The following FYCO1 variants were observed in gnomAD, a reference collection of about 807,000 sequenced individuals.
The protein encoded by FYCO1 is FYVE and coiled-coil domain-containing protein 1.
FYCO1 carries 122 observed loss-of-function variants against 165.1 expected under a neutral mutation model. The observed-to-expected ratio is 0.74, with a 90% confidence interval of 0.64 to 0.86. FYCO1 has a LOEUF of 0.86. Ranked by LOEUF, FYCO1 falls within the 40% of genes least tolerant of loss-of-function variation. The pLI is 0.00. For synonymous variants in FYCO1, 648 were observed against 742.5 expected, an observed-to-expected ratio of 0.87 and a Z score of 2.07; for missense variants, 1,702 against 1,810.3, an observed-to-expected ratio of 0.94 and a Z score of 1.09.
intron 14 of FYCO1, among the ~76,000 whole-genome samples, chr3:45,942,233 A>T (rs1026059866): frequency 9.9e-5 from 15 of 152,254 alleles, no homozygotes; most frequent in African/African-American, 3.6e-4. Flanking sequence ...GTCCTGGGTG[A>T]CTGCCAGGGA....
In FYCO1 at chr3:45,964,952, T is replaced by G; in HGVS notation, c.3150+81A>C. The G allele has an allele frequency of 1.8e-6, 2 of 1,118,048 alleles. No homozygotes were observed. Among genetic ancestry groups the G allele is most frequent in the South Asian group, 2.6e-5 (2 of 77,686 alleles). The allele number at this position is 1,118,048 out of a possible 1,614,324, so 69.3% of individuals were successfully genotyped here. ...GCTTCAGCTTGGGAATCTGGAGGCATGCAGGGAGCCCTCTTAAATGGTCCA... is the reference window on the plus strand; with the variant it reads ...GCTTCAGCTTGGGAATCTGGAGGCAGGCAGGGAGCCCTCTTAAATGGTCCA... On this transcript the variant is annotated intron_variant, in intron 9 of 17. Transcript: ENST00000296137. This position sits in a 1 kb window ranked among gnomAD's most constrained non-coding sequence, Gnocchi z 4.1.
chr3:45,975,375 G>C, intron 4 of FYCO1, 30 bp from the exon 5 acceptor site: 1 of 1,543,316 alleles, frequency 6.5e-7, no homozygotes, highest in East Asian at 2.2e-5. Context: ...TAGAGCCAAA[G>C]AGCTGTCAGC....
intron 5 of FYCO1, among the ~76,000 whole-genome samples, chr3:45,973,554 T>C (rs1706567029): frequency 6.6e-6 from 1 of 152,212 alleles, no homozygotes; most frequent in South Asian, 2.1e-4. Context: ...AAACTTCTTT[T>C]TTGAAAGATT....
At chr3:45,990,134 T>G (rs1575392310) in intron 1 of FYCO1, among the ~76,000 whole-genome samples, 1 of 152,332 alleles carries the variant, frequency 6.6e-6, no homozygotes, top group East Asian at 1.9e-4. Flanking sequence ...TCCAGCTAGT[T>G]ATGAACTAAG....
intron 15 of FYCO1, among the ~76,000 whole-genome samples, chr3:45,934,136 A>G (rs1488859568): frequency 6.6e-6 from 1 of 152,228 alleles, no homozygotes; most frequent in African/African-American, 2.4e-5. Flanking sequence ...ACAGAGCCTG[A>G]GGAATCTACA....
intron 12 of FYCO1, among the ~76,000 whole-genome samples, chr3:45,958,927 C>G (rs1484090315): frequency 6.6e-6 from 1 of 152,168 alleles, no homozygotes; most frequent in Non-Finnish European, 1.5e-5. Context: ...TCTAAGAGAC[C>G]ACAGACCTTC....
intron 14 of FYCO1, among the ~76,000 whole-genome samples, chr3:45,944,753 C>A (rs1704472712): frequency 6.6e-6 from 1 of 152,032 alleles, no homozygotes. Flanking sequence ...CATAAGGGAC[C>A]AGCAAAAGCT....
At chr3:45,990,992 A>G (rs899906890) in intron 1 of FYCO1, among the ~76,000 whole-genome samples, 4 of 151,804 alleles carry the variant, frequency 2.6e-5, no homozygotes, top group African/African-American at 9.7e-5. Context: ...GTTGGCCAGG[A>G]TGGTCTTGAT....
At chr3:45,953,713 C>A (rs1705157359) in intron 14 of FYCO1, among the ~76,000 whole-genome samples, 1 of 152,160 alleles carries the variant, frequency 6.6e-6, no homozygotes, top group South Asian at 2.1e-4. Context: ...GGATCCAGGT[C>A]ACTGATTAAA....
At chr3:45,926,962 C>CAA (rs35424488) in intron 16 of FYCO1, among the ~76,000 whole-genome samples, 2 of 133,490 alleles carry the variant, frequency 1.5e-5, no homozygotes, top group Admixed American at 7.4e-5. Flanking sequence ...GAAACTGTCT[C>CAA]AAAAAAAAAA....
chr3:45,958,441 C>G lies in FYCO1; in HGVS notation c.3766G>C (p.Ala1256Pro). ...QGEPSPALSPASPGPQATGGQ... is the reference protein window; with the variant it reads ...QGEPSPALSPPSPGPQATGGQ... ...CCTGTGGCCTGGGGCCCAGGTGAGG[C>G]TGGTGACAGTGCAGGGCTGGGCTCT... Residue 1256 changes from alanine to proline, a missense_variant, in exon 13 of 18, where the codon GCC (alanine) becomes CCC (proline). Transcript: ENST00000296137. 6.2e-7 allele frequency: 1 copy of G among 1,612,866 alleles called. No individual in the cohort carries two copies. The highest frequency in any genetic ancestry group is 8.5e-7 in the Non-Finnish European group (1 of 1,180,010).
At chr3:45,990,054 G>A (rs1215507873) in intron 1 of FYCO1, among the ~76,000 whole-genome samples, 1 of 152,218 alleles carries the variant, frequency 6.6e-6, no homozygotes, top group African/African-American at 2.4e-5. Context: ...CAACCTAGAT[G>A]GGGAAAAACT....
At chr3:45,936,111 G>A (rs1376758547) in intron 15 of FYCO1, among the ~76,000 whole-genome samples, 1 of 152,082 alleles carries the variant, frequency 6.6e-6, no homozygotes, top group Non-Finnish European at 1.5e-5. Flanking sequence ...CAATGAAAGT[G>A]TACTGCTCAT....
chr3:45,965,810 GGCTGGGCAAGTA>G (rs1705977650), intron 8 of FYCO1, among the ~76,000 whole-genome samples: 1 of 152,180 alleles, frequency 6.6e-6, no homozygotes, highest in South Asian at 2.1e-4. Flanking sequence ...TGCCCGGCGG[GGCTGGGCAAGTA>G]CAGAAACCAG....
intron 1 of FYCO1, among the ~76,000 whole-genome samples, chr3:45,986,737 T>A (rs1707335344): frequency 6.6e-6 from 1 of 152,134 alleles, no homozygotes; most frequent in Admixed American, 6.5e-5. Context: ...GAGTGCTTTA[T>A]GAGAAGCCTG....
chr3:45,923,826 C>T, intron 16 of FYCO1, 61 bp from the exon 17 acceptor site: 1 of 1,077,688 alleles, frequency 9.3e-7, no homozygotes, highest in Non-Finnish European at 1.4e-6. Flanking sequence ...TCGGCATCCT[C>T]AGGGAAGACC....
chr3:45,923,651 C>T lies in FYCO1; in HGVS notation c.4361+5G>A. On this transcript the variant is annotated splice_donor_5th_base_variant and intron_variant, in intron 17 of 17. Coordinates refer to ENST00000296137, the MANE Select transcript of FYCO1 (RefSeq NM_024513.4). ...ACGTGGAGCTGGTGCCTGAGGTGGC[C>T]CTACCTTGAGAAGGTATTGTCGAAG... 1 of 1,589,588 alleles carries T rather than the reference C, an allele frequency of 6.3e-7. No homozygotes were observed. Among genetic ancestry groups the T allele is most frequent in the Non-Finnish European group, 8.6e-7 (1 of 1,157,582 alleles).
At position 45,964,391 on chromosome 3, in the gene FYCO1, C is replaced by G. The variant is rs776815939; in HGVS notation, c.3214G>C (p.Ala1072Pro). The change falls in exon 10 of 18, where the codon GCG (alanine) becomes CCG (proline). Residue 1072 changes from alanine to proline, a missense_variant. Physicochemically the swap from Ala to Pro is conservative, Grantham distance 27 (BLOSUM62 -1). Coordinates refer to ENST00000296137, the MANE Select transcript of FYCO1 (RefSeq NM_024513.4). This position sits in a 1 kb window ranked among gnomAD's most constrained non-coding sequence, Gnocchi z 4.1. ...CTSNHLAECQ[A>P]AMLRKDKEGA... Reference sequence around the variant, plus strand: ...TCCTTGTCCTTCCTCAGCATGGCCGCCTGGCACTCTGCAAGATGGTTGCTA... The same window carrying G: ...TCCTTGTCCTTCCTCAGCATGGCCGGCTGGCACTCTGCAAGATGGTTGCTA... 7 of 1,614,032 alleles carry G rather than the reference C, an allele frequency of 4.3e-6. No individual in the cohort carries two copies. The African/African-American group carries it at 9.3e-5, about 22-fold the overall frequency.
intron 14 of FYCO1, among the ~76,000 whole-genome samples, chr3:45,949,279 C>A (rs141518019): frequency 1.2e-4 from 18 of 152,336 alleles, no homozygotes; most frequent in African/African-American, 4.1e-4. Flanking sequence ...GGTGACAAGG[C>A]TGACATTTAT....
Sources: gnomAD v4.1 joint callset for allele counts (sites outside exome capture counted in the v4.1 genomes callset) on GRCh38, gnomAD v4.1.1 for gene constraint, Gnocchi (gnomAD v3.1) non-coding constraint, MANE v1.5 for transcripts, NCBI Gene and HGNC (gene_info 2026-07-23, HGNC 2026-07-21) for gene names.